The following FAM135B variants were observed in gnomAD, a reference collection of about 807,000 sequenced individuals.
FAM135B encodes the protein family with sequence similarity 135 member B.
FAM135B carries 43 observed loss-of-function variants against 127.7 expected under a neutral mutation model. That is an observed-to-expected ratio of 0.34 (90% confidence interval 0.26 to 0.43). The LOEUF (loss-of-function observed/expected upper bound fraction) is 0.43. FAM135B is among the 20% of genes least tolerant of loss of function. The probability of loss-of-function intolerance (pLI) is 1.00; values close to 1 mark genes in which losing one functional copy is unlikely to be tolerated. For synonymous variants in FAM135B, 670 were observed against 665.1 expected (o/e 1.01, Z -0.11); for missense variants, 1,558 against 1,725.6 (o/e 0.90, Z 1.72).
chr8:138,167,750 C>T, intron 12 of FAM135B, 145 bp downstream of exon 12: 4 of 938,078 alleles, frequency 4.3e-6, no homozygotes, highest in Admixed American at 2.8e-5. Context: ...CATTTCAAAC[C>T]ATTACTTTGT....
intron 18 of FAM135B, among the ~76,000 whole-genome samples, chr8:138,137,591 A>C (rs1213585575): frequency 6.6e-6 from 1 of 152,156 alleles, no homozygotes; most frequent in Non-Finnish European, 1.5e-5. Context: ...AGAAATAAGC[A>C]ACTAGAATGG....
At chr8:138,195,675 G>C (rs77682641) in intron 8 of FAM135B, among the ~76,000 whole-genome samples, 1 of 151,920 alleles carries the variant, frequency 6.6e-6, no homozygotes, top group Admixed American at 6.6e-5. Flanking sequence ...CACACACACA[G>C]GTATACATCT....
chr8:138,285,618 C>T (rs927273168), intron 3 of FAM135B, among the ~76,000 whole-genome samples: 1 of 152,208 alleles, frequency 6.6e-6, no homozygotes, highest in Admixed American at 6.5e-5. Context: ...AGTGCCATTA[C>T]TACCAATCCA....
intron 1 of FAM135B, among the ~76,000 whole-genome samples, chr8:138,382,688 A>AC (rs1160937869): frequency 1.3e-5 from 2 of 152,120 alleles, no homozygotes; most frequent in African/African-American, 4.8e-5. Context: ...GGCACCTGGC[A>AC]CCCAGAGAGC....
At chr8:138,323,282 T>C (rs1209391742) in intron 2 of FAM135B, among the ~76,000 whole-genome samples, 1 of 152,184 alleles carries the variant, frequency 6.6e-6, no homozygotes, top group Admixed American at 6.5e-5. Context: ...TCTCTTTCCT[T>C]ACAAAGCAAA....
intron 1 of FAM135B, among the ~76,000 whole-genome samples, chr8:138,396,263 G>A (rs1056699069): frequency 1.3e-5 from 2 of 152,126 alleles, no homozygotes; most frequent in African/African-American, 4.8e-5. Flanking sequence ...TGTCTGCATG[G>A]AGCAAAGCAG....
At chr8:138,159,398 T>C (rs922875388) in intron 12 of FAM135B, among the ~76,000 whole-genome samples, 3 of 149,774 alleles carry the variant, frequency 2.0e-5, no homozygotes, top group African/African-American at 7.4e-5. Flanking sequence ...ATGTGGCACA[T>C]ATACACCATG....
intron 7 of FAM135B, among the ~76,000 whole-genome samples, chr8:138,202,791 ACG>A: frequency 1.6e-5 from 1 of 64,228 alleles, no homozygotes; most frequent in East Asian, 6.5e-4. Context: ...GCCTCGGTGA[ACG>A]TGTCTATGGA....
intron 1 of FAM135B, among the ~76,000 whole-genome samples, chr8:138,415,226 G>C (rs1336182331): frequency 6.6e-6 from 1 of 152,166 alleles, no homozygotes; most frequent in Non-Finnish European, 1.5e-5. Context: ...CTGGAGATTA[G>C]AATAAAAATG....
intron 1 of FAM135B, among the ~76,000 whole-genome samples, chr8:138,398,987 C>T (rs535762752): frequency 4.6e-5 from 7 of 152,310 alleles, no homozygotes; most frequent in African/African-American, 1.7e-4. Flanking sequence ...TAGAACAGAG[C>T]TCATTCTACC....
intron 19 of FAM135B, among the ~76,000 whole-genome samples, chr8:138,133,814 C>T (rs1027605056): frequency 2.0e-5 from 3 of 152,118 alleles, no homozygotes; most frequent in African/African-American, 7.2e-5. Context: ...GTCTGCTTTC[C>T]CAGACTGGGA....
At position 138,442,237 on chromosome 8, in the gene FAM135B, CATATATATATATAT is replaced by C. The variant is rs759993575; in HGVS notation, c.-20+54420_-20+54433del. On this transcript the variant is annotated intron_variant, in intron 1 of 19. Coordinates refer to ENST00000395297, the MANE Select transcript of FAM135B (RefSeq NM_015912.4). ...AATTTAACGTGAAGAATATGGACACCATATATATATATATATATATATATATATATATATATATA... is the reference window on the plus strand; with the variant it reads ...AATTTAACGTGAAGAATATGGACACCATATATATATATATATATATATATA... 2.6e-3 allele frequency among the ~76,000 whole-genome samples: 136 copies of C among 51,918 alleles called. 7 individuals are homozygous for C. Among genetic ancestry groups the C allele is most frequent in the East Asian group, 0.014 (6 of 414 alleles). 34.1% of individuals were successfully genotyped at this position (51,918 alleles called of 152,430 possible). A position where few individuals can be genotyped will look rare whatever the true frequency, so the allele number is the denominator to read the frequency against.
intron 1 of FAM135B, among the ~76,000 whole-genome samples, chr8:138,491,827 T>TA (rs1312180358): frequency 6.6e-6 from 1 of 152,176 alleles, no homozygotes; most frequent in Non-Finnish European, 1.5e-5. Flanking sequence ...CAGAATAAAG[T>TA]AGGGACACCC....
intron 6 of FAM135B, among the ~76,000 whole-genome samples, 199 bp downstream of exon 6, chr8:138,250,642 C>T (rs573013194): frequency 3.2e-4 from 48 of 152,190 alleles, no homozygotes; most frequent in Non-Finnish European, 4.9e-4. Flanking sequence ...TTTCGACTTC[C>T]GGGTTCCACA....
intron 7 of FAM135B, among the ~76,000 whole-genome samples, chr8:138,225,461 A>AAAAACAAAAAAACAAAAAAAACAAAAAC (rs1819346272): frequency 6.8e-6 from 1 of 147,704 alleles, no homozygotes; most frequent in African/African-American, 2.5e-5. Context: ...AAAACAAAAA[A>AAAAACAAAAAAACAAAAAAAACAAAAAC]AAAACAAAAA....
At chr8:138,307,023 TCTTAC>T (rs1310351809) in intron 3 of FAM135B, among the ~76,000 whole-genome samples, 13 of 152,318 alleles carry the variant, frequency 8.5e-5, no homozygotes, top group African/African-American at 3.1e-4. Flanking sequence ...CATCTTCCCA[TCTTAC>T]CTTCACACTG....
intron 1 of FAM135B, among the ~76,000 whole-genome samples, chr8:138,408,318 TCTAA>T (rs1196719890): frequency 6.6e-6 from 1 of 152,214 alleles, no homozygotes; most frequent in East Asian, 1.9e-4. Context: ...TCTTCTAACT[TCTAA>T]CTGATAACTT....
intron 12 of FAM135B, among the ~76,000 whole-genome samples, chr8:138,164,004 T>C (rs565745079): frequency 6.6e-6 from 1 of 152,320 alleles, no homozygotes; most frequent in South Asian, 2.1e-4. Flanking sequence ...AATGCTATTA[T>C]TTTAACATAG....
At chr8:138,487,854 A>G (rs1388342473) in intron 1 of FAM135B, among the ~76,000 whole-genome samples, 1 of 152,030 alleles carries the variant, frequency 6.6e-6, no homozygotes. Context: ...ATACAAAAAA[A>G]TTAGCCAGGC....
Sources: allele counts gnomAD v4.1 joint callset (sites outside exome capture counted in the v4.1 genomes callset), GRCh38; gene constraint gnomAD v4.1.1; transcripts MANE v1.5; gene names NCBI Gene and HGNC (gene_info 2026-07-23, HGNC 2026-07-21).